Variants in ARHGEF38 observed in about 807,000 individuals in gnomAD.
ARHGEF38 encodes the protein Rho guanine nucleotide exchange factor (GEF) 38.
A neutral mutation model predicts 79.9 loss-of-function variants in ARHGEF38; 79 were observed. The observed-to-expected ratio is 0.99, with a 90% CI of 0.82 to 1.19. The LOEUF is 1.19. ARHGEF38 is among the 50% of genes most tolerant of loss of function. ARHGEF38 has a pLI of 0.00. For synonymous variants in ARHGEF38, 366 were observed against 328.3 expected (o/e 1.11, Z -1.24); for missense variants, 962 against 907.2 (o/e 1.06, Z -0.78).
At chr4:105,570,321 A>G (rs1047932591) in intron 1 of ARHGEF38, 1 of 152,246 alleles carries the variant, frequency 6.6e-6, no homozygotes, top group African/African-American at 2.4e-5. Flanking sequence ...AATTGCAGTA[A>G]TAGTGTATAA....
intron 1 of ARHGEF38, among the ~76,000 whole-genome samples, chr4:105,561,965 T>A (rs1210284857): frequency 6.6e-6 from 1 of 152,162 alleles, no homozygotes; most frequent in African/African-American, 2.4e-5. Context: ...TAATGGAAGA[T>A]AAGGGTTATT....
At chr4:105,562,471 T>G (rs1468575414) in intron 1 of ARHGEF38, among the ~76,000 whole-genome samples, 1 of 152,184 alleles carries the variant, frequency 6.6e-6, no homozygotes, top group African/African-American at 2.4e-5. Context: ...CACTATGTAA[T>G]GGTAGTTAAC....
intron 1 of ARHGEF38, among the ~76,000 whole-genome samples, chr4:105,561,965 T>G (rs1210284857): frequency 6.6e-6 from 1 of 152,162 alleles, no homozygotes. Context: ...TAATGGAAGA[T>G]AAGGGTTATT....
chr4:105,597,794 C>G (rs1727647793), intron 2 of ARHGEF38, among the ~76,000 whole-genome samples: 2 of 152,108 alleles, frequency 1.3e-5, no homozygotes, highest in Admixed American at 1.3e-4. Context: ...GTAAAGGGTA[C>G]ATGGATCTCT....
At chr4:105,561,449 G>GGAATC in intron 1 of ARHGEF38, 1 of 45,616 alleles carries the variant, frequency 2.2e-5, no homozygotes, top group South Asian at 9.2e-4. Flanking sequence ...AGAATAGAAT[G>GGAATC]GAATAGAATA....
chr4:105,584,739 G>T (rs911781405), intron 1 of ARHGEF38, among the ~76,000 whole-genome samples: 1 of 152,050 alleles, frequency 6.6e-6, no homozygotes, highest in Non-Finnish European at 1.5e-5. Context: ...TACAAAGAAA[G>T]AAAGAAAGAA....
At chr4:105,572,200 A>C (rs1210861986) in intron 1 of ARHGEF38, among the ~76,000 whole-genome samples, 1 of 152,204 alleles carries the variant, frequency 6.6e-6, no homozygotes, top group East Asian at 1.9e-4. Context: ...AAAAACTATT[A>C]TGAATTTTAA....
chr4:105,582,209 AG>A (rs1364493001), intron 1 of ARHGEF38, among the ~76,000 whole-genome samples: 1 of 150,556 alleles, frequency 6.6e-6, no homozygotes, highest in African/African-American at 2.4e-5. Context: ...TGTAGCTGCA[AG>A]GAACAGTTGA....
chr4:105,562,055 T>C (rs775043318), intron 1 of ARHGEF38, among the ~76,000 whole-genome samples: 1 of 152,186 alleles, frequency 6.6e-6, no homozygotes, highest in Non-Finnish European at 1.5e-5. Context: ...TTCTTGGTGA[T>C]ACAGGGAGGG....
At chr4:105,607,561 T>C (rs1326908539) in intron 2 of ARHGEF38, among the ~76,000 whole-genome samples, 3 of 152,044 alleles carry the variant, frequency 2.0e-5, no homozygotes, top group African/African-American at 7.2e-5. Flanking sequence ...ACAGATAAAT[T>C]AGTAAATATT....
chr4:105,570,967 A>G (rs1726194943), intron 1 of ARHGEF38, among the ~76,000 whole-genome samples: 5 of 152,206 alleles, frequency 3.3e-5, no homozygotes. Context: ...AGTACATACT[A>G]GTCATATTCA....
intron 2 of ARHGEF38, among the ~76,000 whole-genome samples, chr4:105,598,652 T>C (rs1344347359): frequency 6.6e-6 from 1 of 152,092 alleles, no homozygotes; most frequent in African/African-American, 2.4e-5. Context: ...TCCTGTAATC[T>C]GTATGACCAG....
chr4:105,681,053 A>G (rs1355697667), downstream of ARHGEF38: 1 of 152,076 alleles, frequency 6.6e-6, no homozygotes, highest in Non-Finnish European at 1.5e-5. Context: ...TTTGACCCCA[A>G]AGGGAAATTG....
At chr4:105,627,445 A>C (rs903524136) in intron 3 of ARHGEF38, among the ~76,000 whole-genome samples, 2 of 152,210 alleles carry the variant, frequency 1.3e-5, no homozygotes, top group African/African-American at 4.8e-5. Flanking sequence ...TAAAGGGAAC[A>C]AATTGAAACA....
intron 1 of ARHGEF38, among the ~76,000 whole-genome samples, chr4:105,579,631 G>T (rs1402738327): frequency 6.6e-6 from 1 of 152,098 alleles, no homozygotes; most frequent in Admixed American, 6.6e-5. Flanking sequence ...GATTTGATTT[G>T]CCAGTATTTT....
At chr4:105,592,915 C>A (rs1727406787) in intron 2 of ARHGEF38, among the ~76,000 whole-genome samples, 1 of 152,176 alleles carries the variant, frequency 6.6e-6, no homozygotes, top group Admixed American at 6.5e-5. Context: ...CCTCTCTCTG[C>A]TAGTGCAGTG....
chr4:105,619,116 A>T (rs751736832), intron 3 of ARHGEF38, among the ~76,000 whole-genome samples: 12 of 152,220 alleles, frequency 7.9e-5, no homozygotes, highest in Non-Finnish European at 1.6e-4. Context: ...TTAAAAAATT[A>T]AGACAATGGG....
At chr4:105,651,933 C>T (rs1227087518) in intron 7 of ARHGEF38, among the ~76,000 whole-genome samples, 1 of 152,208 alleles carries the variant, frequency 6.6e-6, no homozygotes, top group Non-Finnish European at 1.5e-5. Flanking sequence ...TTTTCATTTG[C>T]CTGGTTGAAG....
intron 3 of ARHGEF38, among the ~76,000 whole-genome samples, chr4:105,621,332 A>G (rs1728728443): frequency 6.6e-6 from 1 of 152,236 alleles, no homozygotes; most frequent in African/African-American, 2.4e-5. Context: ...ATGTGTTTGC[A>G]TATTATAATG....
Sources: gnomAD v4.1 joint callset for allele counts (sites outside exome capture counted in the v4.1 genomes callset) on GRCh38, gnomAD v4.1.1 for gene constraint, MANE v1.5 for transcripts, NCBI Gene and HGNC (gene_info 2026-07-23, HGNC 2026-07-21) for gene names.